The following NLK variants were observed in gnomAD, a reference collection of about 807,000 sequenced individuals.
The protein encoded by NLK is serine/threonine-protein kinase NLK.
In NLK, 11 loss-of-function variants were observed where a neutral mutation model predicts 59.0. The ratio of observed to expected loss-of-function variants is 0.19; its 90% CI spans 0.12 to 0.31. NLK has a LOEUF of 0.31. Ranked by LOEUF, NLK falls within the 10% of genes least tolerant of loss-of-function variation. The pLI, the probability that NLK is intolerant of heterozygous loss-of-function variation, is 1.00. For synonymous variants in NLK, 235 were observed against 235.9 expected, an observed-to-expected ratio of 1.00 and a Z score of 0.03; for missense variants, 410 against 661.1, an observed-to-expected ratio of 0.62 and a Z score of 4.16.
intron 1 of NLK, among the ~76,000 whole-genome samples, chr17:28,072,989 A>T (rs1175267538): frequency 2.7e-5 from 4 of 147,794 alleles, no homozygotes; most frequent in Non-Finnish European, 4.5e-5. Context: ...TTAGAACTTT[A>T]TTTTTTGTGA....
At chr17:28,082,134 C>T (rs948341029) in intron 1 of NLK, among the ~76,000 whole-genome samples, 3 of 152,188 alleles carry the variant, frequency 2.0e-5, no homozygotes, top group African/African-American at 7.2e-5. Context: ...AACTCCTGAC[C>T]TCACATGATC....
chr17:28,129,209 C>A (rs139106237), intron 2 of NLK, among the ~76,000 whole-genome samples: 46 of 152,242 alleles, frequency 3.0e-4, no homozygotes, highest in African/African-American at 1.1e-3. Flanking sequence ...AATCCCAGCA[C>A]CTTGGGAGGC....
intron 5 of NLK, among the ~76,000 whole-genome samples, chr17:28,165,909 GT>G (rs1483009006): frequency 6.6e-6 from 1 of 152,104 alleles, no homozygotes; most frequent in Non-Finnish European, 1.5e-5. Flanking sequence ...AAGTAATAGA[GT>G]TTTTAAAATA....
At chr17:28,205,269 C>T in the NLK span, among the ~76,000 whole-genome samples, 1 of 152,138 alleles carries the variant, frequency 6.6e-6, no homozygotes, top group Non-Finnish European at 1.5e-5. Flanking sequence ...ACTTGAGAAA[C>T]CTTGATTTAT....
intron 1 of NLK, among the ~76,000 whole-genome samples, chr17:28,121,202 CCA>C (rs72173479): frequency 0.015 from 2,235 of 152,062 alleles, 44 homozygotes; most frequent in African/African-American, 0.05. Flanking sequence ...GAGGCATGAG[CCA>C]CTGAGCCTAG....
intron 7 of NLK, among the ~76,000 whole-genome samples, chr17:28,183,680 A>C (rs571686557): frequency 6.6e-6 from 1 of 152,124 alleles, no homozygotes; most frequent in Admixed American, 6.5e-5. Flanking sequence ...GCTTTGACCT[A>C]CCAAACTTTC....
At chr17:28,125,907 CAGAT>C (rs1169416315) in intron 2 of NLK, among the ~76,000 whole-genome samples, 1 of 152,176 alleles carries the variant, frequency 6.6e-6, no homozygotes, top group African/African-American at 2.4e-5. Flanking sequence ...AAAATCGTGT[CAGAT>C]AGGGCTTGTT....
At chr17:28,182,775 A>G (rs1908961531) in intron 7 of NLK, among the ~76,000 whole-genome samples, 1 of 151,768 alleles carries the variant, frequency 6.6e-6, no homozygotes, top group Non-Finnish European at 1.5e-5. Context: ...AAATGCCCTG[A>G]CCCTAAAGTG....
chr17:28,181,752 A>G (rs925053108), intron 7 of NLK, among the ~76,000 whole-genome samples: 1 of 151,928 alleles, frequency 6.6e-6, no homozygotes, highest in Non-Finnish European at 1.5e-5. Context: ...TCACACCTGT[A>G]CAAATCCCAG....
intron 4 of NLK, among the ~76,000 whole-genome samples, chr17:28,161,739 T>G (rs1406248046): frequency 6.6e-6 from 1 of 152,090 alleles, no homozygotes; most frequent in African/African-American, 2.4e-5. Flanking sequence ...AAAACCAAAG[T>G]AGATTGGGAA....
At chr17:28,097,609 ATTAT>A (rs1213969387) in intron 1 of NLK, among the ~76,000 whole-genome samples, 1 of 152,176 alleles carries the variant, frequency 6.6e-6, no homozygotes, top group East Asian at 1.9e-4. Context: ...GGCACAATAA[ATTAT>A]TTACCCTAAA....
chr17:28,089,875 A>T (rs1277929382), intron 1 of NLK, among the ~76,000 whole-genome samples: 1 of 151,966 alleles, frequency 6.6e-6, no homozygotes, highest in Non-Finnish European at 1.5e-5. Flanking sequence ...CTCTACTTTT[A>T]AAAAAAATTG....
chr17:28,128,753 C>T (rs1244037454), intron 2 of NLK, among the ~76,000 whole-genome samples: 2 of 152,168 alleles, frequency 1.3e-5, no homozygotes, highest in Non-Finnish European at 2.9e-5. Context: ...GCAATTTGTA[C>T]TAAAGCTAAA....
At chr17:28,052,595 T>C (rs1253001833) in intron 1 of NLK, among the ~76,000 whole-genome samples, 3 of 152,112 alleles carry the variant, frequency 2.0e-5, no homozygotes, top group African/African-American at 4.8e-5. Flanking sequence ...AGTAAATACA[T>C]AGTGAAAGTA....
chr17:28,078,029 G>T (rs1434258525), intron 1 of NLK, among the ~76,000 whole-genome samples: 4 of 151,334 alleles, frequency 2.6e-5, no homozygotes, highest in African/African-American at 7.3e-5. Flanking sequence ...CCAATAAAAA[G>T]AATTCATAAA....
chr17:28,125,825 G>T (rs144574234), intron 2 of NLK, among the ~76,000 whole-genome samples: 1 of 151,960 alleles, frequency 6.6e-6, no homozygotes, highest in African/African-American at 2.4e-5. Flanking sequence ...TTTTTGAAGG[G>T]GTATGTTTAA....
intron 9 of NLK, among the ~76,000 whole-genome samples, chr17:28,191,591 G>A (rs945205505): frequency 2.0e-5 from 3 of 152,192 alleles, no homozygotes; most frequent in African/African-American, 7.2e-5. Flanking sequence ...ACGATGACAA[G>A]AGAAGGGAAT....
At chr17:28,128,670 GGACATA>G (rs1906388589) in intron 2 of NLK, among the ~76,000 whole-genome samples, 1 of 152,162 alleles carries the variant, frequency 6.6e-6, no homozygotes, top group African/African-American at 2.4e-5. Flanking sequence ...CTGCTGGCAA[GGACATA>G]GATCAACTGA....
chr17:28,168,587 C>T lies in NLK; in HGVS notation c.977C>T (p.Ser326Phe). 6.2e-7 allele frequency: 1 copy of T among 1,613,814 alleles called. No individual in the cohort carries two copies. Among genetic ancestry groups the T allele is most frequent in the Non-Finnish European group, 8.5e-7 (1 of 1,179,780 alleles). Reference protein sequence around the residue: ...RHYSNAIDIWSVGCIFAELLG... With the variant: ...RHYSNAIDIWFVGCIFAELLG... ...TACAGCAATGCTATTGACATCTGGT[C>T]TGTGGGATGTATCTTTGCAGAACTA... Residue 326 changes from serine to phenylalanine, a missense_variant, in exon 6 of 11, where the codon TCT becomes TTT. Ser to Phe is a radical substitution (Grantham distance 155). Coordinates refer to ENST00000407008, the MANE Select transcript of NLK (RefSeq NM_016231.5).
Sources: allele counts gnomAD v4.1 joint callset (sites outside exome capture counted in the v4.1 genomes callset), GRCh38; gene constraint gnomAD v4.1.1; transcripts MANE v1.5; gene names NCBI Gene and HGNC (gene_info 2026-07-23, HGNC 2026-07-21).